Variants in DOC2A observed in about 807,000 individuals in gnomAD.
DOC2A encodes double C2 domain alpha.
In DOC2A, 28 loss-of-function variants were observed where a neutral mutation model predicts 40.6. The ratio of observed to expected loss-of-function variants is 0.69; its 90% CI spans 0.51 to 0.95. The LOEUF is 0.95. Among genes scored for constraint, DOC2A ranks in the 40% least tolerant of loss-of-function variants. The probability of loss-of-function intolerance (pLI) is 0.00; values close to 1 mark genes in which losing one functional copy is unlikely to be tolerated. For missense variants in DOC2A, 474 were observed against 552.5 expected (o/e 0.86, Z 1.42); for synonymous variants, 241 against 236.9 (o/e 1.02, Z -0.16).
rs1211703641 is a variant in DOC2A at position 30,005,920 on chromosome 16, G to T, written c.*266C>A. On this transcript the variant is annotated 3_prime_UTR_variant, in exon 11 of 11. Transcript: ENST00000350119. ...AGGAGTGAGGAGCGCGGGGGCCTGGGGCCGGGCTCTGAGCACTGCCCGGGT... is the reference window on the plus strand; with the variant it reads ...AGGAGTGAGGAGCGCGGGGGCCTGGTGCCGGGCTCTGAGCACTGCCCGGGT... 5.4e-6 allele frequency: 3 copies of T among 552,500 alleles called. No individual in the cohort carries two copies. Among genetic ancestry groups the T allele is most frequent in the Non-Finnish European group, 9.6e-6 (3 of 311,678 alleles). The allele number at this position is 552,500 out of a possible 1,614,324, so 34.2% of individuals were successfully genotyped here.
chr16:30,007,698 C>G (rs1893976708), intron 5 of DOC2A: 1 of 322,720 alleles, frequency 3.1e-6, no homozygotes. Flanking sequence ...CCGTCCTTTT[C>G]CTGCATGCAG....
chr16:30,017,730 G>A (rs1308365816), intron 1 of DOC2A, among the ~76,000 whole-genome samples: 1 of 152,130 alleles, frequency 6.6e-6, no homozygotes, highest in African/African-American at 2.4e-5. Flanking sequence ...GCCAAGGTGG[G>A]CGGATTGCTT....
chr16:30,014,613 C>T (rs1354091854), upstream of DOC2A, among the ~76,000 whole-genome samples: 5 of 148,816 alleles, frequency 3.4e-5, no homozygotes, highest in Admixed American at 6.8e-5. Flanking sequence ...CCAGCCTGGG[C>T]GACAGAACGA....
upstream of DOC2A, among the ~76,000 whole-genome samples, chr16:30,022,044 T>A (rs187732188): frequency 1.4e-5 from 2 of 146,512 alleles, no homozygotes; most frequent in East Asian, 4.1e-4. Context: ...AGTTCAGGAG[T>A]TCAAGACCAG....
At position 30,010,344 on chromosome 16, in the gene DOC2A, G is replaced by C. The variant is rs2070746105; in HGVS notation, c.-13-109C>G. The C allele has an allele frequency of 6.8e-7, 1 of 1,460,580 alleles. No individual in the cohort carries two copies. The highest frequency in any genetic ancestry group is 9.5e-7 in the Non-Finnish European group (1 of 1,057,474). 90.5% of individuals were successfully genotyped at this position (1,460,580 alleles called of 1,614,324 possible). On this transcript the variant is annotated intron_variant, in intron 1 of 10. Transcript: ENST00000350119. The surrounding 1 kb of genome is among the most constrained non-coding windows in gnomAD (Gnocchi z 4.2). ...GGGCCCTCACTGGCCTCCCTTCCTA[G>C]GTGTCGAGGGAGAGGGTGGTGTGTG...
At chr16:30,008,693 C>T (rs760957726) in intron 5 of DOC2A, 62 of 358,308 alleles carry the variant, frequency 1.7e-4, no homozygotes, top group Non-Finnish European at 3.0e-4. Context: ...TTAGTAGAGA[C>T]GGGGGTTTCA....
At chr16:30,018,923 G>A (rs1353001325) in intron 1 of DOC2A, 2 of 152,354 alleles carry the variant, frequency 1.3e-5, no homozygotes, top group Admixed American at 1.3e-4. Flanking sequence ...AGACGGAATG[G>A]AAAGAGAGAG....
chr16:30,013,622 A>AAAATAAAAAAAAAAAAAT (rs2070821588), upstream of DOC2A: 1 of 141,516 alleles, frequency 7.1e-6, no homozygotes, highest in Admixed American at 7.2e-5. Context: ...AAAAAAAAAA[A>AAAATAAAAAAAAAAAAAT]AAAAATCCTT....
chr16:30,009,516 C>T lies in DOC2A; in HGVS notation c.304G>A (p.Ala102Thr), dbSNP rs1278562286. 16 of 1,551,356 alleles carry T rather than the reference C, an allele frequency of 1.0e-5. No individual in the cohort carries two copies. The highest frequency in any genetic ancestry group is 2.0e-5 in the Admixed American group (1 of 50,980). The part of the protein sequence containing the change: ...TLEFDLLYDR[A>T]SCTLHCSILR... Reference sequence around the variant, plus strand: ...ATGCTACAGTGCAGAGTGCAGGAGGCCCGGTCGTAGAGAAGGTCAAACTCC... The same window carrying T: ...ATGCTACAGTGCAGAGTGCAGGAGGTCCGGTCGTAGAGAAGGTCAAACTCC... Residue 102 changes from alanine (A) to threonine (T), a missense_variant, in exon 3 of 11, where the codon GCC (alanine) becomes ACC (threonine). Coordinates refer to ENST00000350119, the MANE Select transcript of DOC2A (RefSeq NM_003586.3). This position sits in a 1 kb window ranked among gnomAD's most constrained non-coding sequence, Gnocchi z 4.1.
chr16:30,006,803 G>A lies in DOC2A; in HGVS notation c.860C>T (p.Ser287Leu), dbSNP rs754156022. 4.3e-6 allele frequency: 7 copies of A among 1,613,670 alleles called. No homozygotes were observed. In the Admixed American group the frequency reaches 5.0e-5, roughly 12 times the overall value. The change falls in exon 8 of 11, where the codon TCG (serine) becomes TTG (leucine). Residue 287 changes from serine to leucine, a missense_variant. Transcript: ENST00000350119. The surrounding 1 kb of genome is among the most constrained non-coding windows in gnomAD (Gnocchi z 6.2). ...GGCTCACGTCTTGACGTAGGGGTCC[G>A]AGTAACCGTTGACGTCCATGGCAGC... is the stretch of plus-strand genomic sequence containing the variant. ...HLAAMDVNGY[S>L]DPYVKTYLRP...
At chr16:30,014,258 C>T (rs569297266), upstream of DOC2A, among the ~76,000 whole-genome samples, 10 of 151,654 alleles carry the variant, frequency 6.6e-5, no homozygotes, top group African/African-American at 1.2e-4. Flanking sequence ...CCTCCCGCTT[C>T]GGCCTCCCAA....
Position 30,009,176 on chromosome 16 carries a change from C to T in DOC2A, c.417+26G>A, listed in dbSNP as rs140999204. 1,092 of 1,167,106 alleles carry T rather than the reference C, an allele frequency of 9.4e-4. 8 individuals carry two copies. In the African/African-American group the frequency reaches 0.013, roughly 14 times the overall value. 72.3% of individuals were successfully genotyped at this position (1,167,106 alleles called of 1,614,324 possible). A position where few individuals can be genotyped will look rare whatever the true frequency, so the allele number is the denominator to read the frequency against. ...CACAGGCTGGAGTCATGGGCTGGGC[C>T]GGGCGGGGCGAGAGGAGGCTGTTAC... On this transcript the variant is annotated intron_variant, in intron 4 of 10. Transcript: ENST00000350119. This position sits in a 1 kb window ranked among gnomAD's most constrained non-coding sequence, Gnocchi z 4.1.
chr16:30,017,395 T>G (rs1398178932), intron 1 of DOC2A, among the ~76,000 whole-genome samples: 4 of 152,104 alleles, frequency 2.6e-5, no homozygotes, highest in Non-Finnish European at 5.9e-5. Flanking sequence ...TCAATCTAGG[T>G]GCCCACCAAC....
At chr16:30,011,194 ACT>A (rs1324112846), upstream of DOC2A, 26 of 662,606 alleles carry the variant, frequency 3.9e-5, no homozygotes, top group African/African-American at 1.2e-4. Context: ...GCGCGCGCAC[ACT>A]CACGCAGGGG....
rs2070740264 is a variant in DOC2A at position 30,010,177 on chromosome 16, G to A, written c.46C>T (p.His16Tyr). ...CCGGGGCACACGTTGATGGCCATGTGCTCCTGGATGTTGATGGTCATGCGA... is the reference window on the plus strand; with the variant it reads ...CCGGGGCACACGTTGATGGCCATGTACTCCTGGATGTTGATGGTCATGCGA... ...GDRMTINIQE[H>Y]MAINVCPGPI... The change falls in exon 2 of 11, where the codon CAC becomes TAC. Residue 16 changes from histidine (H) to tyrosine (Y), a missense_variant. By Grantham distance (83) the His-to-Tyr change is moderately conservative. Coordinates refer to ENST00000350119, the MANE Select transcript of DOC2A (RefSeq NM_003586.3). This position sits in a 1 kb window ranked among gnomAD's most constrained non-coding sequence, Gnocchi z 4.2. 2 of 1,613,912 alleles carry A rather than the reference G, an allele frequency of 1.2e-6. No homozygotes were observed.
At chr16:30,016,502 G>A (rs909152022), upstream of DOC2A, among the ~76,000 whole-genome samples, 1 of 152,206 alleles carries the variant, frequency 6.6e-6, no homozygotes, top group Non-Finnish European at 1.5e-5. Context: ...CTGCAGTGAG[G>A]GGAGGGGGAC....
intron 1 of DOC2A, among the ~76,000 whole-genome samples, chr16:30,020,028 CCTCCCGAGTAGCTGGGG>C (rs1472386088): frequency 6.6e-6 from 1 of 152,144 alleles, no homozygotes; most frequent in African/African-American, 2.4e-5. Flanking sequence ...CCTGTCTCAG[CCTCCCGAGTAGCTGGGG>C]CTACAGGCGC....
upstream of DOC2A, chr16:30,011,273 C>T: frequency 2.1e-6 from 2 of 952,866 alleles, no homozygotes; most frequent in Non-Finnish European, 2.5e-6. Flanking sequence ...CACGCCCGTG[C>T]CCACGTGTGC....
At position 30,010,870 on chromosome 16, in the gene DOC2A, A is replaced by C; in HGVS notation, c.-14+33T>G. 1 of 996,176 alleles carries C rather than the reference A, an allele frequency of 1.0e-6. No individual in the cohort carries two copies. Among genetic ancestry groups the C allele is most frequent in the Non-Finnish European group, 1.2e-6 (1 of 836,298 alleles). 61.7% of individuals were successfully genotyped at this position (996,176 alleles called of 1,614,324 possible). On this transcript the variant is annotated intron_variant, in intron 1 of 10. Transcript: ENST00000350119. The surrounding 1 kb of genome is among the most constrained non-coding windows in gnomAD (Gnocchi z 4.2). ...GGCTGGCACGCTTCCCCGCACCCTC[A>C]CGCCCCCGGCCTGCCCAGCCCCCTG...
Sources: allele counts gnomAD v4.1 joint callset (sites outside exome capture counted in the v4.1 genomes callset), GRCh38; gene constraint gnomAD v4.1.1; non-coding constraint Gnocchi (gnomAD v3.1); transcripts MANE v1.5; gene names NCBI Gene and HGNC (gene_info 2026-07-23, HGNC 2026-07-21).